The following PIK3R3 variants were observed in gnomAD, a reference collection of about 807,000 sequenced individuals.
The protein encoded by PIK3R3 is phosphatidylinositol 3-kinase regulatory subunit gamma.
Under a neutral mutation model 62.9 loss-of-function variants are expected in PIK3R3, and 64 were observed. The observed-to-expected ratio is 1.02, with a 90% CI of 0.83 to 1.25. The LOEUF is 1.25. PIK3R3 is among the 50% of genes most tolerant of loss of function. The pLI is 0.00. For missense variants in PIK3R3, 614 were observed against 561.6 expected, an observed-to-expected ratio of 1.09 and a Z score of -0.94; for synonymous variants, 165 against 189.0, an observed-to-expected ratio of 0.87 and a Z score of 1.04.
chr1:46,046,293 TA>T (rs1557548787), intron 8 of PIK3R3, among the ~76,000 whole-genome samples: 1 of 152,186 alleles, frequency 6.6e-6, no homozygotes, highest in African/African-American at 2.4e-5. Flanking sequence ...AACATCTGAA[TA>T]AAAGTGCTTT....
the PIK3R3 span, among the ~76,000 whole-genome samples, chr1:46,168,728 C>A: frequency 6.6e-6 from 1 of 152,198 alleles, no homozygotes; most frequent in Admixed American, 6.5e-5. Flanking sequence ...TGATGCTATC[C>A]CAGCTGGAAA....
the PIK3R3 span, among the ~76,000 whole-genome samples, chr1:46,173,969 C>G: frequency 6.6e-6 from 1 of 152,086 alleles, no homozygotes; most frequent in Non-Finnish European, 1.5e-5. Context: ...GCGTGTATGT[C>G]TGTGTGTGCC....
the PIK3R3 span, among the ~76,000 whole-genome samples, chr1:46,142,526 G>A: frequency 1.2e-4 from 18 of 152,074 alleles, no homozygotes; most frequent in South Asian, 2.1e-4. Context: ...GTGAAACCCC[G>A]TCTCTACTAA....
Position 46,132,568 on chromosome 1 carries a change from G to C in PIK3R3, c.-616C>G, listed in dbSNP as rs865852606. 1.2e-4 allele frequency: 154 copies of C among 1,283,440 alleles called. No individual in the cohort carries two copies. In the Middle Eastern group the frequency reaches 3.5e-3, roughly 29 times the overall value. 79.5% of individuals were successfully genotyped at this position (1,283,440 alleles called of 1,614,324 possible). On this transcript the variant is annotated 5_prime_UTR_variant, in exon 1 of 10. Transcript: ENST00000262741. ...GAAGTCCAGTCAGCTCGGCTTGTCT[G>C]GGCGCTCCCGCCGGGGTGTAAGAAC...
At chr1:46,113,506 T>A (rs1296800471) in intron 1 of PIK3R3, among the ~76,000 whole-genome samples, 1 of 151,844 alleles carries the variant, frequency 6.6e-6, no homozygotes, top group African/African-American at 2.4e-5. Context: ...CCCAGGCTGG[T>A]ATCAAACTCC....
chr1:46,110,855 G>A (rs565068659), intron 1 of PIK3R3, among the ~76,000 whole-genome samples: 1 of 144,182 alleles, frequency 6.9e-6, no homozygotes, highest in South Asian at 2.3e-4. Context: ...GTCAGCCTGG[G>A]AACAGAAAAA....
the PIK3R3 span, among the ~76,000 whole-genome samples, chr1:46,157,844 C>T: frequency 6.6e-6 from 1 of 152,216 alleles, no homozygotes; most frequent in African/African-American, 2.4e-5. Flanking sequence ...TCTATCTTCC[C>T]TTCTGAAAGG....
At chr1:46,141,669 G>A in the PIK3R3 span, among the ~76,000 whole-genome samples, 5 of 152,176 alleles carry the variant, frequency 3.3e-5, no homozygotes, top group Admixed American at 6.5e-5. Context: ...TAAATATAGT[G>A]CTCAAACCTA....
chr1:46,122,509 A>G lies in PIK3R3; in HGVS notation c.106+9338T>C, dbSNP rs562309678. On this transcript the variant is annotated intron_variant, in intron 1 of 9. Coordinates refer to ENST00000262741, the MANE Select transcript of PIK3R3 (RefSeq NM_003629.4). ...CTCAGCCTCCTGACTAGCTGGGACT[A>G]CAGGCGCGCCACCACGCCTGGCTAA... Among the ~76,000 whole-genome samples the G allele has an allele frequency of 3.3e-5, 5 of 152,268 alleles. No homozygotes were observed. In the East Asian group the frequency reaches 9.7e-4, roughly 29 times the overall value.
the PIK3R3 span, among the ~76,000 whole-genome samples, chr1:46,144,116 G>A: frequency 6.6e-6 from 1 of 152,152 alleles, no homozygotes; most frequent in Non-Finnish European, 1.5e-5. Flanking sequence ...TTTGGAAATA[G>A]TACCCAAAAC....
At chr1:46,052,162 T>C (rs937397094) in intron 7 of PIK3R3, among the ~76,000 whole-genome samples, 7 of 151,844 alleles carry the variant, frequency 4.6e-5, no homozygotes, top group African/African-American at 1.7e-4. Context: ...ATAAAATAAA[T>C]AACTAAGAAT....
chr1:46,068,919 C>G (rs777887244), intron 3 of PIK3R3, among the ~76,000 whole-genome samples: 1 of 152,162 alleles, frequency 6.6e-6, no homozygotes, highest in Non-Finnish European at 1.5e-5. Context: ...AAAAGATTCA[C>G]TCTAGCTGCT....
chr1:46,105,233 G>A, intron 1 of PIK3R3: 1 of 399,128 alleles, frequency 2.5e-6, no homozygotes. Context: ...GCTGGGCACG[G>A]TGGCTCACAC....
Position 46,061,951 on chromosome 1 carries a change from C to T in PIK3R3, c.742G>A (p.Gly248Arg). The T allele has an allele frequency of 1.2e-6, 2 of 1,613,528 alleles. No homozygotes were observed. The highest frequency in any genetic ancestry group is 1.7e-6 in the Non-Finnish European group (2 of 1,179,548). ...TACCGTTCAATCTCCTTTTCATTCC[C>T]CTCTCTGCGAAATCGCTCAATATAT... ...KEYIERFRRE[G>R]NEKEIERIMM... The change falls in exon 6 of 10, where the codon GGG becomes AGG. Residue 248 changes from glycine to arginine, a missense_variant. Coordinates refer to ENST00000262741, the MANE Select transcript of PIK3R3 (RefSeq NM_003629.4).
In PIK3R3 at chr1:46,099,588, TTTA is replaced by T. The variant is rs1335857867; in HGVS notation, c.107-18841_107-18839del. Among the ~76,000 whole-genome samples the T allele has an allele frequency of 2.6e-5, 4 of 152,230 alleles. No individual in the cohort carries two copies. In the East Asian group the frequency reaches 7.7e-4, roughly 29 times the overall value. ...ATTTATGTTGATACAAGTAGGTATT[TTTA>T]TTTTCTCACCGTTCTCTACCATTAC... On this transcript the variant is annotated intron_variant, in intron 1 of 9. Coordinates refer to ENST00000262741, the MANE Select transcript of PIK3R3 (RefSeq NM_003629.4).
chr1:46,041,730 T>G lies in PIK3R3; in HGVS notation c.*1943A>C, dbSNP rs776883722. 9.0e-5 allele frequency: 18 copies of G among 200,610 alleles called. No homozygotes were observed. Among genetic ancestry groups the G allele is most frequent in the Non-Finnish European group, 1.5e-4 (15 of 96,994 alleles). 12.4% of individuals were successfully genotyped at this position (200,610 alleles called of 1,614,324 possible). ...TCAGTTAAGATTTCAATTGACAGTT[T>G]GGGGAAGGGATGTGCTGGCTATTAG... is the stretch of plus-strand genomic sequence containing the variant. On this transcript the variant is annotated 3_prime_UTR_variant, in exon 10 of 10. Transcript: ENST00000262741.
At chr1:46,046,293 T>C (rs1054136286) in intron 8 of PIK3R3, among the ~76,000 whole-genome samples, 4 of 152,304 alleles carry the variant, frequency 2.6e-5, no homozygotes, top group Admixed American at 6.5e-5. Flanking sequence ...AACATCTGAA[T>C]AAAAGTGCTT....
At chr1:46,170,080 G>A in the PIK3R3 span, among the ~76,000 whole-genome samples, 1 of 152,078 alleles carries the variant, frequency 6.6e-6, no homozygotes, top group Non-Finnish European at 1.5e-5. Flanking sequence ...CACCTTTGAA[G>A]ACAGTCTATT....
intron 7 of PIK3R3, among the ~76,000 whole-genome samples, chr1:46,053,798 T>C (rs755667623): frequency 5.3e-5 from 8 of 152,180 alleles, no homozygotes; most frequent in Non-Finnish European, 1.0e-4. Context: ...GTATATTCCT[T>C]GTATTTCTTA....
Sources: gnomAD v4.1 joint callset for allele counts (sites outside exome capture counted in the v4.1 genomes callset) on GRCh38, gnomAD v4.1.1 for gene constraint, MANE v1.5 for transcripts, NCBI Gene and HGNC (gene_info 2026-07-23, HGNC 2026-07-21) for gene names.